The following ADGRB2 variants were observed in gnomAD, a reference collection of about 807,000 sequenced individuals.
The protein encoded by ADGRB2 is adhesion G protein-coupled receptor B2.
A neutral mutation model predicts 178.7 loss-of-function variants in ADGRB2; 47 were observed. That is an observed-to-expected ratio of 0.26 (90% CI 0.21 to 0.34). The LOEUF (loss-of-function observed/expected upper bound fraction) is 0.34. ADGRB2 is among the 10% of genes least tolerant of loss of function. The probability of loss-of-function intolerance (pLI) is 1.00; values close to 1 mark genes in which losing one functional copy is unlikely to be tolerated. For missense variants in ADGRB2, 1,584 were observed against 2,180.8 expected, an observed-to-expected ratio of 0.73 and a Z score of 5.45; for synonymous variants, 870 against 912.4, an observed-to-expected ratio of 0.95 and a Z score of 0.84.
At chr1:31,752,068 A>G (rs1441637463) in intron 4 of ADGRB2, among the ~76,000 whole-genome samples, 2 of 152,196 alleles carry the variant, frequency 1.3e-5, no homozygotes, top group Admixed American at 1.3e-4. Flanking sequence ...GGTAAGGTCC[A>G]AAACTGAACC....
At chr1:31,739,809 G>A (rs1241909978) in intron 14 of ADGRB2, 117 bp downstream of exon 14, 17 of 1,208,980 alleles carry the variant, frequency 1.4e-5, no homozygotes, top group Middle Eastern at 1.9e-4. Flanking sequence ...ACACATAGAT[G>A]AAGGAGAGGG....
chr1:31,739,139 C>T, intron 15 of ADGRB2, 169 bp downstream of exon 15: 1 of 896,286 alleles, frequency 1.1e-6, no homozygotes, highest in Non-Finnish European at 1.7e-6. Flanking sequence ...CCTCTGAGAG[C>T]AGTATGGATA....
At chr1:31,757,101 A>C (rs1340683979) in intron 3 of ADGRB2, 100 bp downstream of exon 3, 3 of 1,587,482 alleles carry the variant, frequency 1.9e-6, no homozygotes, top group Non-Finnish European at 2.6e-6. Context: ...GTGAGCCCTG[A>C]AGAAACAGTA....
In ADGRB2 at chr1:31,738,242, G is replaced by C; in HGVS notation, c.2730C>G (p.His910Gln). The change falls in exon 18 of 33, where the codon CAC becomes CAG. Residue 910 changes from histidine to glutamine, a missense_variant. Around this residue, in one of 3 missense-constraint regions of ADGRB2, gnomAD observed 865 missense variants for 1,192.8 expected, o/e 0.73. Coordinates refer to ENST00000373658, the MANE Select transcript of ADGRB2 (RefSeq NM_001364857.2). ...QAAHTRCQCQ[H>Q]LSTFAVLAQP... is the part of the protein sequence containing the mutation. ...GGGCTAGTACAGCAAAGGTGGACAG[G>C]TGCTGGCACTGGCAGCGGGTGTGAG... 1 of 1,614,142 alleles carries C rather than the reference G, an allele frequency of 6.2e-7. No individual in the cohort carries two copies. The highest frequency in any genetic ancestry group is 8.5e-7 in the Non-Finnish European group (1 of 1,180,014).
intron 1 of ADGRB2, among the ~76,000 whole-genome samples, chr1:31,762,095 C>A (rs1250422113): frequency 6.6e-6 from 1 of 152,014 alleles, no homozygotes; most frequent in Non-Finnish European, 1.5e-5. Context: ...GGGGCAGATA[C>A]CAGATGGAAC....
Position 31,733,434 on chromosome 1 carries a change from A to C in ADGRB2, c.3453-291T>G, listed in dbSNP as rs1404268748. On this transcript the variant is annotated intron_variant, in intron 25 of 32. Coordinates refer to ENST00000373658, the MANE Select transcript of ADGRB2 (RefSeq NM_001364857.2). This position sits in a 1 kb window ranked among gnomAD's most constrained non-coding sequence, Gnocchi z 4.3. ...ACAGACAGTGGAAAGGGACGGGGAG[A>C]GAGAAGAGGAGGCAGACAGATGCAC... Among the ~76,000 whole-genome samples, 2 of 152,158 alleles carry C rather than the reference A, an allele frequency of 1.3e-5. No individual in the cohort carries two copies. Among genetic ancestry groups the C allele is most frequent in the East Asian group, 3.9e-4 (2 of 5,190 alleles).
At position 31,736,687 on chromosome 1, in the gene ADGRB2, A is replaced by C; in HGVS notation, c.3016T>G (p.Phe1006Val). ...ACCCAGCAAAAGGAGGAGAGAAAGA[A>C]GAAGTGCAGGAAGGCAGCCGTCATG... ...CTMTAAFLHF[F>V]FLSSFCWVLT... The change falls in exon 21 of 33, where the codon TTC (phenylalanine) becomes GTC (valine). Residue 1006 changes from phenylalanine (F) to valine (V), a missense_variant. Transcript: ENST00000373658. 3 of 1,614,082 alleles carry C rather than the reference A, an allele frequency of 1.9e-6. No homozygotes were observed. Among genetic ancestry groups the C allele is most frequent in the Non-Finnish European group, 2.5e-6 (3 of 1,179,938 alleles).
At chr1:31,749,686 C>T (rs562484692) in intron 4 of ADGRB2, among the ~76,000 whole-genome samples, 1 of 152,206 alleles carries the variant, frequency 6.6e-6, no homozygotes, top group Non-Finnish European at 1.5e-5. Flanking sequence ...CCGAGGAGGG[C>T]GGATCGTTTG....
In ADGRB2 at chr1:31,759,492, C is replaced by A; in HGVS notation, c.-190-1981G>T. Reference sequence around the variant, plus strand: ...CCATCAAGAAGCACAAGGTCCACATCCTTCAGAGCCACAGGCTGGCTTCTC... The same window carrying A: ...CCATCAAGAAGCACAAGGTCCACATACTTCAGAGCCACAGGCTGGCTTCTC... On this transcript the variant is annotated intron_variant, in intron 1 of 32. Coordinates refer to ENST00000373658, the MANE Select transcript of ADGRB2 (RefSeq NM_001364857.2). This position sits in a 1 kb window ranked among gnomAD's most constrained non-coding sequence, Gnocchi z 4.3. 2 of 696,654 alleles carry A rather than the reference C, an allele frequency of 2.9e-6. No individual in the cohort carries two copies. Among genetic ancestry groups the A allele is most frequent in the East Asian group, 5.0e-5 (2 of 40,118 alleles). 43.2% of individuals were successfully genotyped at this position (696,654 alleles called of 1,614,324 possible). A position where few individuals can be genotyped will look rare whatever the true frequency, so the allele number is the denominator to read the frequency against.
chr1:31,757,261 G>C lies in ADGRB2; in HGVS notation c.-40C>G. 1.9e-6 allele frequency: 3 copies of C among 1,613,294 alleles called. No individual in the cohort carries two copies. Among genetic ancestry groups the C allele is most frequent in the African/African-American group, 1.3e-5 (1 of 75,036 alleles). ...ATCCCCGTGTGTCGTGATCAGCTGT[G>C]AGGCATGTCACCGCGTAATCCTGTG... On this transcript the variant is annotated 5_prime_UTR_variant, in exon 3 of 33. Coordinates refer to ENST00000373658, the MANE Select transcript of ADGRB2 (RefSeq NM_001364857.2).
At position 31,738,825 on chromosome 1, in the gene ADGRB2, C is replaced by G; in HGVS notation, c.2601+7G>C. The G allele has an allele frequency of 6.2e-7, 1 of 1,613,856 alleles. No individual in the cohort carries two copies. Among genetic ancestry groups the G allele is most frequent in the South Asian group, 1.1e-5 (1 of 91,066 alleles). ...CACCCAAGGTCTCTGCATGGATCTC[C>G]ACTCACATTGATGATGTAGGAGAGC... On this transcript the variant is annotated splice_region_variant and intron_variant, in intron 16 of 32. Coordinates refer to ENST00000373658, the MANE Select transcript of ADGRB2 (RefSeq NM_001364857.2).
Position 31,744,721 on chromosome 1 carries a change from C to A in ADGRB2, c.849G>T (p.Pro283=), listed in dbSNP as rs759074097. The A allele has an allele frequency of 1.2e-6, 2 of 1,614,054 alleles. No homozygotes were observed. The highest frequency in any genetic ancestry group is 3.3e-5 in the Admixed American group (2 of 60,012). ...GGGTTTTCACTTTCGGTTCCTCTTCCGGCTCCTCACCTGGAACACGGAGGT... is the reference window on the plus strand; with the variant it reads ...GGGTTTTCACTTTCGGTTCCTCTTCAGGCTCCTCACCTGGAACACGGAGGT... ...FTTEMRYGEE[P]EEEPKVKTQW... The change falls in exon 5 of 33, where the codon CCG becomes CCT. Residue 283 remains proline, a synonymous_variant. Transcript: ENST00000373658. The surrounding 1 kb of genome is among the most constrained non-coding windows in gnomAD (Gnocchi z 6.7).
In ADGRB2 at chr1:31,735,880, G is replaced by T. The variant is rs1338538888; in HGVS notation, c.3214C>A (p.Leu1072Met). Residue 1072 changes from leucine (L) to methionine (M), a missense_variant, in exon 23 of 33, where the codon CTG becomes ATG. Physicochemically the swap from Leu to Met is conservative, Grantham distance 15 (BLOSUM62 2). Transcript: ENST00000373658. This position sits in a 1 kb window ranked among gnomAD's most constrained non-coding sequence, Gnocchi z 6.0. Reference protein sequence around the residue: ...YGTSSYCWLSLEGGLLYAFVG... With the variant: ...YGTSSYCWLSMEGGLLYAFVG... ...AAGGCGTAGAGCAGGCCGCCCTCCA[G>T]GGAGAGCCAGCAGCTGGGGTGGGGG... 1.9e-6 allele frequency: 3 copies of T among 1,599,714 alleles called. No homozygotes were observed. The highest frequency in any genetic ancestry group is 1.3e-5 in the African/African-American group (1 of 74,652).
rs1360674504 is a variant in ADGRB2, at chr1:31,744,510, C to T, written c.922+138G>A. ...CAGGCTCTTCAGGAGGCCACCCAGC[C>T]CTTCCCACAAGCTTCATGTGGCACA... On this transcript the variant is annotated intron_variant, in intron 5 of 32. Transcript: ENST00000373658. This position sits in a 1 kb window ranked among gnomAD's most constrained non-coding sequence, Gnocchi z 6.7. The T allele has an allele frequency of 2.8e-6, 4 of 1,437,504 alleles. No homozygotes were observed. In the African/African-American group the frequency reaches 5.7e-5, roughly 20 times the overall value. The allele number at this position is 1,437,504 out of a possible 1,614,324, so 89.0% of individuals were successfully genotyped here. A position where few individuals can be genotyped will look rare whatever the true frequency, so the allele number is the denominator to read the frequency against.
At chr1:31,737,559 A>T in intron 19 of ADGRB2, 28 bp from the exon 20 acceptor site, 3 of 1,611,224 alleles carry the variant, frequency 1.9e-6, no homozygotes, top group Non-Finnish European at 2.5e-6. Flanking sequence ...GCAGGGACAG[A>T]GGCGCTGGCT....
chr1:31,762,088 G>T (rs901487162), intron 1 of ADGRB2, among the ~76,000 whole-genome samples: 6 of 152,034 alleles, frequency 3.9e-5, no homozygotes, highest in African/African-American at 1.5e-4. Flanking sequence ...AGGGATGGGG[G>T]CAGATACCAG....
Position 31,757,437 on chromosome 1 carries a change from T to G in ADGRB2, c.-116A>C, listed in dbSNP as rs184966383. On this transcript the variant is annotated 5_prime_UTR_variant, in exon 2 of 33. Coordinates refer to ENST00000373658, the MANE Select transcript of ADGRB2 (RefSeq NM_001364857.2). ...GAGTTACAGCCAGTGTGCCAGGAAC[T>G]GCGCACAACCTGAGCCATGCCCACA... The G allele has an allele frequency of 9.7e-5, 62 of 637,068 alleles. No individual in the cohort carries two copies. The highest frequency in any genetic ancestry group is 7.4e-4 in the Middle Eastern group (2 of 2,710). 39.5% of individuals were successfully genotyped at this position (637,068 alleles called of 1,614,324 possible). A position where few individuals can be genotyped will look rare whatever the true frequency, so the allele number is the denominator to read the frequency against.
Position 31,728,055 on chromosome 1 carries a change from C to A in ADGRB2, c.4542G>T (p.Ser1514=), listed in dbSNP as rs140855923. The change falls in exon 32 of 33, where the codon TCG becomes TCT. Residue 1514 remains serine (S), a synonymous_variant. Transcript: ENST00000373658. The surrounding 1 kb of genome is among the most constrained non-coding windows in gnomAD (Gnocchi z 6.7). ...ACACGCTCCGCTCGGCTGCCCCACCCGAGGACACACTCCACCGCTTCTCCC... is the reference window on the plus strand; with the variant it reads ...ACACGCTCCGCTCGGCTGCCCCACCAGAGGACACACTCCACCGCTTCTCCC... The part of the protein sequence containing the change: ...AKREKRWSVS[S]GGAAERSVCT... 5 of 1,594,920 alleles carry A rather than the reference C, an allele frequency of 3.1e-6. No homozygotes were observed. Among genetic ancestry groups the A allele is most frequent in the Non-Finnish European group, 4.3e-6 (5 of 1,173,294 alleles).
Position 31,740,312 on chromosome 1 carries a change from C to T in ADGRB2, c.1989+35G>A, listed in dbSNP as rs567466078. On this transcript the variant is annotated intron_variant, in intron 12 of 32. Transcript: ENST00000373658. This position sits in a 1 kb window ranked among gnomAD's most constrained non-coding sequence, Gnocchi z 5.9. ...GGCCTCCCGCTTCAGTTTGGGCCTT[C>T]TCCACCCTCCGCCCTCCTTCCTCCT... is the stretch of plus-strand genomic sequence containing the variant. 1.0e-5 allele frequency: 16 copies of T among 1,605,400 alleles called. No individual in the cohort carries two copies. The highest frequency in any genetic ancestry group is 1.3e-5 in the African/African-American group (1 of 74,736).
Sources: allele counts gnomAD v4.1 joint callset (sites outside exome capture counted in the v4.1 genomes callset), GRCh38; gene constraint gnomAD v4.1.1; regional missense constraint gnomAD v4.1.1; non-coding constraint Gnocchi (gnomAD v3.1); transcripts MANE v1.5; gene names NCBI Gene and HGNC (gene_info 2026-07-23, HGNC 2026-07-21).